The following PCNT variants were observed in gnomAD, a reference collection of about 807,000 sequenced individuals.
PCNT encodes kendrin.
In PCNT, 319 loss-of-function variants were observed where a neutral mutation model predicts 380.4. That is an observed-to-expected ratio of 0.84 (90% CI 0.77 to 0.92). PCNT has a LOEUF of 0.92. Among genes scored for constraint, PCNT ranks in the 40% least tolerant of loss-of-function variants. The pLI is 0.00. For missense variants in PCNT, 4,400 were observed against 4,255.3 expected (o/e 1.03, Z -0.95); for synonymous variants, 1,845 against 1,735.2 (o/e 1.06, Z -1.57).
chr21:46,361,055 C>T (rs1321949412), intron 13 of PCNT, among the ~76,000 whole-genome samples: 1 of 151,958 alleles, frequency 6.6e-6, no homozygotes, highest in Non-Finnish European at 1.5e-5. Context: ...TTAAGTTATT[C>T]CTCTTTGCAT....
intron 2 of PCNT, 27 bp downstream of exon 2, chr21:46,326,616 A>C: frequency 6.3e-7 from 1 of 1,595,076 alleles, no homozygotes; most frequent in African/African-American, 1.3e-5. Context: ...TTGTATTTGA[A>C]CATTTCGCTT....
chr21:46,402,341 TAAAA>T lies in PCNT; in HGVS notation c.4974_4977del (p.Lys1659AsnfsTer3), dbSNP rs2147503631. ...TTGTTTTAATGAAAGGTTTTGGACT[TAAAA>T]GAACAGCTAGAAAAGATGAAAGGTG... is the stretch of plus-strand genomic sequence containing the variant. On this transcript the variant is annotated frameshift_variant, in exon 27 of 47. Transcript: ENST00000359568. LOFTEE classifies it high-confidence loss of function. 6.2e-7 allele frequency: 1 copy of T among 1,604,226 alleles called. No individual in the cohort carries two copies. The highest frequency in any genetic ancestry group is 8.5e-7 in the Non-Finnish European group (1 of 1,171,132).
intron 14 of PCNT, among the ~76,000 whole-genome samples, chr21:46,364,971 G>A (rs1331468272): frequency 6.6e-6 from 1 of 152,238 alleles, no homozygotes; most frequent in East Asian, 1.9e-4. Flanking sequence ...GCCCATTGGA[G>A]GCCTTGGCAT....
At position 46,416,663 on chromosome 21, in the gene PCNT, GGAGCCC is replaced by G; in HGVS notation, c.6746_6751del (p.Gly2249_Leu2251delinsVal). ...CAGCCTCCCCGTGACACCCCACTCA[GGAGCCC>G]TGAGCCTGTGCAGTGCCGACACATC... On this transcript the variant is annotated inframe_deletion, in exon 30 of 47. Transcript: ENST00000359568. 2 of 1,563,002 alleles carry G rather than the reference GGAGCCC, an allele frequency of 1.3e-6. No homozygotes were observed. The highest frequency in any genetic ancestry group is 3.5e-4 in the Middle Eastern group (2 of 5,750).
At chr21:46,336,986 TTTTGTTTGTTTG>T (rs71318067) in intron 3 of PCNT, among the ~76,000 whole-genome samples, 13 of 146,886 alleles carry the variant, frequency 8.9e-5, no homozygotes, top group Admixed American at 1.4e-4. Flanking sequence ...AGGTTGTTTT[TTTTGTTTGTTTG>T]TTTGTTTGTT....
intron 24 of PCNT, 43 bp downstream of exon 24, chr21:46,398,298 C>G (rs1285081598): frequency 6.4e-7 from 1 of 1,572,812 alleles, no homozygotes; most frequent in Non-Finnish European, 8.6e-7. Context: ...GCGCTGGCGC[C>G]CAGGCTCCCC....
chr21:46,352,290 T>C (rs373305527), intron 9 of PCNT, among the ~76,000 whole-genome samples: 12 of 152,368 alleles, frequency 7.9e-5, no homozygotes, highest in Non-Finnish European at 1.3e-4. Context: ...GCACCAGGCC[T>C]GGCTCCGCCT....
chr21:46,341,756 C>T (rs931721476), intron 3 of PCNT, among the ~76,000 whole-genome samples: 17 of 152,006 alleles, frequency 1.1e-4, no homozygotes, highest in African/African-American at 4.1e-4. Context: ...TCGTAGCTTA[C>T]TGCACTCTCC....
Position 46,389,208 on chromosome 21 carries a change from T to C in PCNT, c.3617T>C (p.Leu1206Pro), listed in dbSNP as rs1430261995. 1.2e-6 allele frequency: 2 copies of C among 1,613,888 alleles called. No homozygotes were observed. Among genetic ancestry groups the C allele is most frequent in the Non-Finnish European group, 1.7e-6 (2 of 1,179,910 alleles). Residue 1206 changes from leucine (L) to proline (P), a missense_variant, in exon 19 of 47, where the codon CTG becomes CCG. By Grantham distance (98) the Leu-to-Pro change is moderately conservative (BLOSUM62 -3). Transcript: ENST00000359568. ...AGLALSTAPALEETWSDVALP... is the reference protein window; with the variant it reads ...AGLALSTAPAPEETWSDVALP... The stretch of plus-strand genomic sequence containing the variant: ...TCTGCTCATCTTGTAGCTCCGGCGC[T>C]GGAGGAGACATGGTCTGATGTGGCC...
rs766247008 is a variant in PCNT at position 46,349,038 on chromosome 21, A to G, written c.1059A>G (p.Glu353=). ...CCCTGAAGGAAGATTGGGAATCTGA[A>G]AAAGATTTATGTTTAGAAAATCTAC... ...VKTLKEDWES[E]KDLCLENLRK... Residue 353 remains glutamate (E), a synonymous_variant, in exon 7 of 47, where the codon GAA becomes GAG. Coordinates refer to ENST00000359568, the MANE Select transcript of PCNT (RefSeq NM_006031.6). The G allele has an allele frequency of 1.9e-6, 3 of 1,604,056 alleles. No individual in the cohort carries two copies. The highest frequency in any genetic ancestry group is 2.6e-6 in the Non-Finnish European group (3 of 1,171,006).
intron 31 of PCNT, among the ~76,000 whole-genome samples, chr21:46,420,372 T>C (rs1481165880): frequency 1.3e-5 from 2 of 152,264 alleles, no homozygotes; most frequent in Non-Finnish European, 2.9e-5. Context: ...TAGAACTTTA[T>C]TTTTCAACAT....
rs774314074 is a variant in PCNT, at chr21:46,431,545, T to G, written c.8081T>G (p.Leu2694Trp). 1.1e-5 allele frequency: 18 copies of G among 1,614,066 alleles called. No homozygotes were observed. Among genetic ancestry groups the G allele is most frequent in the Non-Finnish European group, 1.4e-5 (17 of 1,179,956 alleles). ...AKALEELRASLETQRAQSSRL... is the reference protein window; with the variant it reads ...AKALEELRASWETQRAQSSRL... ...GCTGTCTAGGAGCTGCGGGCGTCTT[T>G]GGAGACACAGCGTGCTCAGAGCAGT... Residue 2694 changes from leucine (L) to tryptophan (W), a missense_variant, in exon 38 of 47, where the codon TTG becomes TGG. Transcript: ENST00000359568.
chr21:46,370,837 C>T (rs576975167), intron 15 of PCNT, among the ~76,000 whole-genome samples: 15 of 152,274 alleles, frequency 9.9e-5, no homozygotes, highest in Admixed American at 3.9e-4. Context: ...AGATCAAGAC[C>T]GTCCTGGCTA....
intron 21 of PCNT, among the ~76,000 whole-genome samples, chr21:46,396,652 G>A (rs2086219661): frequency 6.6e-6 from 1 of 152,158 alleles, no homozygotes. Flanking sequence ...CACCCAGGCT[G>A]GAGTGCAGCA....
intron 11 of PCNT, among the ~76,000 whole-genome samples, chr21:46,354,676 C>T (rs1278102948): frequency 6.6e-6 from 1 of 152,132 alleles, no homozygotes; most frequent in African/African-American, 2.4e-5. Flanking sequence ...GCTTGTTGCA[C>T]GGTGGAACCA....
intron 38 of PCNT, among the ~76,000 whole-genome samples, chr21:46,433,943 A>G (rs1226469588): frequency 6.6e-6 from 1 of 152,070 alleles, no homozygotes; most frequent in Non-Finnish European, 1.5e-5. Context: ...AGCCCAGCTA[A>G]TTTTTGTATT....
At chr21:46,424,721 C>T (rs189832883) in intron 32 of PCNT, among the ~76,000 whole-genome samples, 2 of 146,548 alleles carry the variant, frequency 1.4e-5, no homozygotes, top group Admixed American at 6.8e-5. Flanking sequence ...TGCGCCCCCC[C>T]CAACCCTGCT....
At chr21:46,407,003 G>A (rs1434203520) in intron 27 of PCNT, among the ~76,000 whole-genome samples, 2 of 152,170 alleles carry the variant, frequency 1.3e-5, no homozygotes, top group Non-Finnish European at 2.9e-5. Context: ...TGTTCATGAG[G>A]GATGTTGGTG....
At chr21:46,420,315 T>G (rs1316606348) in intron 31 of PCNT, among the ~76,000 whole-genome samples, 1 of 152,236 alleles carries the variant, frequency 6.6e-6, no homozygotes, top group Non-Finnish European at 1.5e-5. Flanking sequence ...TTTCTTTCCT[T>G]ATTTCTACTT....
Sources: allele counts gnomAD v4.1 joint callset (sites outside exome capture counted in the v4.1 genomes callset), GRCh38; gene constraint gnomAD v4.1.1; transcripts MANE v1.5; gene names NCBI Gene and HGNC (gene_info 2026-07-23, HGNC 2026-07-21).